GALNT18: variants seen among roughly 807,000 people sequenced by gnomAD.
The protein encoded by GALNT18 is GalNAc-transferase 18.
A neutral mutation model predicts 69.5 loss-of-function variants in GALNT18; 44 were observed. The observed-to-expected ratio is 0.63, with a 90% CI of 0.50 to 0.81. The LOEUF (loss-of-function observed/expected upper bound fraction) is 0.81, where lower values mean the gene tolerates loss of function less well. Among genes scored for constraint, GALNT18 ranks in the 40% least tolerant of loss-of-function variants. The probability of loss-of-function intolerance (pLI) is 0.00; values close to 1 mark genes in which losing one functional copy is unlikely to be tolerated. For synonymous variants in GALNT18, 364 were observed against 318.2 expected (o/e 1.14, Z -1.53); for missense variants, 715 against 810.0 (o/e 0.88, Z 1.42).
chr11:11,352,219 G>A, intron 6 of GALNT18: 1 of 1,613,896 alleles, frequency 6.2e-7, no homozygotes, highest in South Asian at 1.1e-5. Context: ...AGTTTGTCCA[G>A]GAAATCCAAG....
intron 6 of GALNT18, among the ~76,000 whole-genome samples, chr11:11,371,887 T>C (rs143924925): frequency 0.017 from 2,623 of 152,268 alleles, 50 homozygotes; most frequent in Middle Eastern, 0.082. Context: ...AGAAATAACA[T>C]AGAGCCTCTT....
intron 1 of GALNT18, among the ~76,000 whole-genome samples, chr11:11,585,058 G>A (rs529129586): frequency 1.3e-5 from 2 of 152,266 alleles, no homozygotes; most frequent in South Asian, 2.1e-4. Flanking sequence ...AATAAAATAT[G>A]TCCACATTTA....
In GALNT18 at chr11:11,332,748, C is replaced by G. The variant is rs753388430; in HGVS notation, c.1362G>C (p.Leu454=). 5.0e-6 allele frequency: 8 copies of G among 1,614,018 alleles called. No homozygotes were observed. The highest frequency in any genetic ancestry group is 1.7e-5 in the Admixed American group (1 of 60,010). Residue 454 remains leucine, a synonymous_variant, in exon 8 of 11, where the codon CTG becomes CTC. Transcript: ENST00000227756. This position sits in a 1 kb window ranked among gnomAD's most constrained non-coding sequence, Gnocchi z 4.3. ...QLQCKTFRWY[L]VSVYPEMRMY... Reference sequence around the variant, plus strand: ...TCCTCATCTCTGGGTACACGCTGACCAGGTACCACCGGAAGGTCTTGCACT... The same window carrying G: ...TCCTCATCTCTGGGTACACGCTGACGAGGTACCACCGGAAGGTCTTGCACT...
At chr11:11,403,241 C>T (rs1423269744) in intron 3 of GALNT18, among the ~76,000 whole-genome samples, 2 of 152,216 alleles carry the variant, frequency 1.3e-5, no homozygotes, top group African/African-American at 2.4e-5. Flanking sequence ...GAATCCTCCA[C>T]ATCACATTTC....
At position 11,511,783 on chromosome 11, in the gene GALNT18, C is replaced by T. The variant is rs1418224013; in HGVS notation, c.236-62847G>A. ...AGTCTCTTTTTGCCATGTGAGGATA[C>T]AATGAGAAGTTGGCAGTAAACAACC... On this transcript the variant is annotated intron_variant, in intron 1 of 10. Coordinates refer to ENST00000227756, the MANE Select transcript of GALNT18 (RefSeq NM_198516.3). The surrounding 1 kb of genome is among the most constrained non-coding windows in gnomAD (Gnocchi z 4.9). Among the ~76,000 whole-genome samples the T allele has an allele frequency of 1.3e-5, 2 of 152,082 alleles. No homozygotes were observed. Among genetic ancestry groups the T allele is most frequent in the African/African-American group, 4.8e-5 (2 of 41,420 alleles).
At chr11:11,348,089 AAG>A (rs1850333932) in intron 6 of GALNT18, among the ~76,000 whole-genome samples, 2 of 13,372 alleles carry the variant, frequency 1.5e-4, no homozygotes, top group East Asian at 0.5. Flanking sequence ...TAAGAAAGAG[AAG>A]AGAGGGCCGG....
chr11:11,419,596 C>CAAAAAAAA (rs58012512), intron 3 of GALNT18, among the ~76,000 whole-genome samples: 158 of 26,498 alleles, frequency 6.0e-3, no homozygotes, highest in Middle Eastern at 0.026. Context: ...GATCCTGTCT[C>CAAAAAAAA]AAAAAAAAAA....
At chr11:11,512,678 A>G (rs1025843767) in intron 1 of GALNT18, among the ~76,000 whole-genome samples, 14 of 152,154 alleles carry the variant, frequency 9.2e-5, no homozygotes, top group Non-Finnish European at 2.1e-4. Flanking sequence ...CCAAATTGGC[A>G]GTTTGCACAG....
intron 1 of GALNT18, among the ~76,000 whole-genome samples, chr11:11,567,249 C>A (rs532663043): frequency 1.1e-4 from 16 of 152,290 alleles, no homozygotes; most frequent in African/African-American, 3.8e-4. Context: ...AGCAGCAACA[C>A]TTTTCCTAGT....
rs1451844552 is a variant in GALNT18 at position 11,398,571 on chromosome 11, C to T, written c.596-19307G>A. On this transcript the variant is annotated intron_variant, in intron 3 of 10. Coordinates refer to ENST00000227756, the MANE Select transcript of GALNT18 (RefSeq NM_198516.3). The stretch of plus-strand genomic sequence containing the variant: ...CTCAGGCAGTCGGGCTTCAGCTCTG[C>T]GCAATTAACTACTCTGCTAAAAATG... 3.3e-5 allele frequency among the ~76,000 whole-genome samples: 5 copies of T among 152,190 alleles called. No homozygotes were observed. In the East Asian group the frequency reaches 7.7e-4, roughly 23 times the overall value.
chr11:11,353,849 T>A (rs763027665), intron 6 of GALNT18, among the ~76,000 whole-genome samples: 13 of 152,182 alleles, frequency 8.5e-5, no homozygotes, highest in Non-Finnish European at 1.5e-4. Context: ...TGATGGCAGG[T>A]AATGGATGTG....
At position 11,604,292 on chromosome 11, in the gene GALNT18, C is replaced by T. The variant is rs1217116418; in HGVS notation, c.235+17067G>A. Among the ~76,000 whole-genome samples, 1 of 152,218 alleles carries T rather than the reference C, an allele frequency of 6.6e-6. No homozygotes were observed. The highest frequency in any genetic ancestry group is 1.5e-5 in the Non-Finnish European group (1 of 68,040). On this transcript the variant is annotated intron_variant, in intron 1 of 10. Transcript: ENST00000227756. The surrounding 1 kb of genome is among the most constrained non-coding windows in gnomAD (Gnocchi z 5.6). Reference sequence around the variant, plus strand: ...AGAGCATTATTGAATGTCTTATTCTCCTTCATTGTGCATGGTCTCCATCAG... The same window carrying T: ...AGAGCATTATTGAATGTCTTATTCTTCTTCATTGTGCATGGTCTCCATCAG...
rs1849717179 is a variant in GALNT18 at position 11,314,376 on chromosome 11, C to G, written c.1512+12710G>C. Among the ~76,000 whole-genome samples, 1 of 76,596 alleles carries G rather than the reference C, an allele frequency of 1.3e-5. No homozygotes were observed. Among genetic ancestry groups the G allele is most frequent in the Admixed American group, 1.7e-4 (1 of 5,738 alleles). 50.2% of individuals were successfully genotyped at this position (76,596 alleles called of 152,430 possible). Reference sequence around the variant, plus strand: ...CATGTGGAATGAATAACAAATCAAGCAGCTCCTTTTTTTTTTTTTAGCATG... The same window carrying G: ...CATGTGGAATGAATAACAAATCAAGGAGCTCCTTTTTTTTTTTTTAGCATG... On this transcript the variant is annotated intron_variant, in intron 9 of 10. Transcript: ENST00000227756. This position sits in a 1 kb window ranked among gnomAD's most constrained non-coding sequence, Gnocchi z 5.2.
intron 3 of GALNT18, among the ~76,000 whole-genome samples, chr11:11,419,516 G>C (rs1458203177): frequency 1.4e-5 from 2 of 139,284 alleles, no homozygotes; most frequent in Non-Finnish European, 3.0e-5. Flanking sequence ...AGAATTGCTT[G>C]AACCCAGGAG....
chr11:11,278,353 G>A (rs1447541696), intron 10 of GALNT18, among the ~76,000 whole-genome samples: 2 of 150,736 alleles, frequency 1.3e-5, no homozygotes, highest in Non-Finnish European at 3.0e-5. Flanking sequence ...ATCACACAGT[G>A]GGGCCTGTTG....
intron 9 of GALNT18, among the ~76,000 whole-genome samples, chr11:11,300,737 C>T (rs1849480038): frequency 6.6e-6 from 1 of 152,144 alleles, no homozygotes; most frequent in Non-Finnish European, 1.5e-5. Flanking sequence ...AGGACAAACT[C>T]CTGAATGCAA....
In GALNT18 at chr11:11,496,562, C is replaced by A. The variant is rs979464568; in HGVS notation, c.236-47626G>T. ...ACTTTTCTAAAGAACAAGCAGCTTG[C>A]TATCTCTCAGTAGGTTCTAATCAAC... On this transcript the variant is annotated intron_variant, in intron 1 of 10. Transcript: ENST00000227756. The surrounding 1 kb of genome is among the most constrained non-coding windows in gnomAD (Gnocchi z 4.0). Among the ~76,000 whole-genome samples, 1 of 152,204 alleles carries A rather than the reference C, an allele frequency of 6.6e-6. No individual in the cohort carries two copies. The highest frequency in any genetic ancestry group is 1.5e-5 in the Non-Finnish European group (1 of 68,028).
chr11:11,377,587 A>G lies in GALNT18; in HGVS notation c.780-208T>C, dbSNP rs1489506025. Among the ~76,000 whole-genome samples the G allele has an allele frequency of 1.3e-5, 2 of 151,238 alleles. No homozygotes were observed. Among genetic ancestry groups the G allele is most frequent in the Non-Finnish European group, 2.9e-5 (2 of 67,888 alleles). Reference sequence around the variant, plus strand: ...TGCCGGAATGGCAAGAGGCTGCACCACTCCATTGGCATATCCAGAGCTGAG... The same window carrying G: ...TGCCGGAATGGCAAGAGGCTGCACCGCTCCATTGGCATATCCAGAGCTGAG... On this transcript the variant is annotated intron_variant, in intron 4 of 10. Coordinates refer to ENST00000227756, the MANE Select transcript of GALNT18 (RefSeq NM_198516.3). The surrounding 1 kb of genome is among the most constrained non-coding windows in gnomAD (Gnocchi z 4.6).
intron 3 of GALNT18, among the ~76,000 whole-genome samples, chr11:11,380,468 T>C (rs1853884548): frequency 1.3e-5 from 2 of 152,240 alleles, no homozygotes; most frequent in South Asian, 4.1e-4. Flanking sequence ...GACCTAATAC[T>C]TCTAAAGTAA....
Sources: allele counts gnomAD v4.1 joint callset (sites outside exome capture counted in the v4.1 genomes callset), GRCh38; gene constraint gnomAD v4.1.1; non-coding constraint Gnocchi (gnomAD v3.1); transcripts MANE v1.5; gene names NCBI Gene and HGNC (gene_info 2026-07-23, HGNC 2026-07-21).